BLOC1S2: variants seen among roughly 807,000 people sequenced by gnomAD.
The protein encoded by BLOC1S2 is biogenesis of lysosome-related organelles complex 1 subunit 2.
In BLOC1S2, 12 loss-of-function variants were observed where a neutral mutation model predicts 19.6. The observed-to-expected ratio is 0.61, with a 90% CI of 0.39 to 0.99. The LOEUF is 0.99. Among genes scored for constraint, BLOC1S2 ranks in the 50% least tolerant of loss-of-function variants. BLOC1S2 has a pLI of 0.00. For synonymous variants in BLOC1S2, 66 were observed against 64.1 expected, an observed-to-expected ratio of 1.03 and a Z score of -0.14; for missense variants, 142 against 171.0, an observed-to-expected ratio of 0.83 and a Z score of 0.95.
intron 4 of BLOC1S2, among the ~76,000 whole-genome samples, chr10:100,278,971 CA>C (rs2134357436): frequency 6.6e-6 from 1 of 152,056 alleles, no homozygotes; most frequent in South Asian, 2.1e-4. Context: ...CCTGTAGTCC[CA>C]GGTACTCAGG....
chr10:100,280,861 CCTCTT>C, intron 3 of BLOC1S2, 68 bp downstream of exon 3: 14 of 1,482,180 alleles, frequency 9.4e-6, no homozygotes, highest in African/African-American at 1.4e-5. Flanking sequence ...CATGTTCCCT[CCTCTT>C]CTCCATGGCC....
intron 4 of BLOC1S2, among the ~76,000 whole-genome samples, chr10:100,276,584 C>T (rs1847878204): frequency 6.6e-6 from 1 of 151,288 alleles, no homozygotes; most frequent in African/African-American, 2.4e-5. Flanking sequence ...GCCATCTCGG[C>T]TCGCTGCAGC....
chr10:100,275,498 G>A lies in BLOC1S2; in HGVS notation c.398-5C>T. The A allele has an allele frequency of 6.2e-7, 1 of 1,604,550 alleles. No homozygotes were observed. The highest frequency in any genetic ancestry group is 8.5e-7 in the Non-Finnish European group (1 of 1,173,880). The stretch of plus-strand genomic sequence containing the variant: ...CCAGCTTCTTGTACTTGGCTTCTGT[G>A]AGGGATGAGGGAGAGTTACATCTTT... On this transcript the variant is annotated splice_region_variant and splice_polypyrimidine_tract_variant and intron_variant, in intron 4 of 4. Transcript: ENST00000370372.
intron 4 of BLOC1S2, 97 bp downstream of exon 4, chr10:100,280,027 C>T (rs746635367): frequency 1.2e-5 from 10 of 844,978 alleles, no homozygotes; most frequent in Non-Finnish European, 1.5e-5. Context: ...TAATAGATCA[C>T]TGTAGGCACA....
chr10:100,285,935 G>A (rs1848222662), intron 2 of BLOC1S2, among the ~76,000 whole-genome samples, 162 bp downstream of exon 2: 1 of 152,178 alleles, frequency 6.6e-6, no homozygotes, highest in Non-Finnish European at 1.5e-5. Flanking sequence ...GAGGCCTGCA[G>A]AGTTGTATTT....
chr10:100,280,348 G>T, intron 3 of BLOC1S2, 120 bp from the exon 4 acceptor site: 1 of 843,672 alleles, frequency 1.2e-6, no homozygotes. Context: ...ATTAGGTGGC[G>T]TGACATGATT....
chr10:100,279,776 G>A (rs1848054959), intron 4 of BLOC1S2, among the ~76,000 whole-genome samples: 1 of 152,160 alleles, frequency 6.6e-6, no homozygotes, highest in Non-Finnish European at 1.5e-5. Context: ...TCGGGGGGCT[G>A]AGGCAGGAGA....
Position 100,286,649 on chromosome 10 carries a change from G to T in BLOC1S2, c.11C>A (p.Ala4Glu). 1 of 1,609,604 alleles carries T rather than the reference G, an allele frequency of 6.2e-7. No individual in the cohort carries two copies. The highest frequency in any genetic ancestry group is 8.5e-7 in the Non-Finnish European group (1 of 1,178,282). Residue 4 changes from alanine to glutamate, a missense_variant, in exon 1 of 5, where the codon GCA (alanine) becomes GAA (glutamate). Physicochemically the swap from Ala to Glu is moderately radical, Grantham distance 107. This residue lies in a region of BLOC1S2 where 48 missense variants were observed against 29.7 expected (regional missense o/e 1.61). Transcript: ENST00000370372. MAA[A>E]AEGVLATRSD... ...CCGGGTCGCCAGTACGCCCTCGGCT[G>T]CCGCCGCCATAGCGGACCCCGCGCT...
intron 4 of BLOC1S2, among the ~76,000 whole-genome samples, chr10:100,277,085 T>C (rs1847905132): frequency 1.4e-5 from 2 of 146,026 alleles, no homozygotes; most frequent in African/African-American, 5.2e-5. Flanking sequence ...CGCCATCCCA[T>C]CTAGGAAGTG....
chr10:100,276,628 A>G (rs1177373316), intron 4 of BLOC1S2, among the ~76,000 whole-genome samples: 8 of 149,976 alleles, frequency 5.3e-5, no homozygotes, highest in Admixed American at 1.3e-4. Flanking sequence ...CAGCCTGCCG[A>G]GTGCCTGCGA....
intron 1 of BLOC1S2, 124 bp from the exon 2 acceptor site, chr10:100,286,337 C>T: frequency 1.4e-6 from 2 of 1,478,002 alleles, no homozygotes; most frequent in East Asian, 4.9e-5. Context: ...CTCCATCTGC[C>T]ATAATTTCAA....
chr10:100,283,146 T>G (rs1848150858), intron 2 of BLOC1S2, among the ~76,000 whole-genome samples: 1 of 152,204 alleles, frequency 6.6e-6, no homozygotes, highest in African/African-American at 2.4e-5. Context: ...CACCCAGGCT[T>G]AAAACCTCAG....
At chr10:100,277,304 C>T (rs1284639132) in intron 4 of BLOC1S2, among the ~76,000 whole-genome samples, 2 of 151,736 alleles carry the variant, frequency 1.3e-5, no homozygotes, top group African/African-American at 2.4e-5. Context: ...CGTCTCCGCC[C>T]GGCAGCCACC....
intron 3 of BLOC1S2, 34 bp from the exon 4 acceptor site, chr10:100,280,262 G>A (rs755465183): frequency 2.0e-6 from 3 of 1,524,218 alleles, no homozygotes; most frequent in African/African-American, 1.4e-5. Flanking sequence ...ATGTTTATAT[G>A]GCTTTATTAA....
At chr10:100,281,163 GGAGTGGGCCACTT>G in intron 2 of BLOC1S2, 110 bp from the exon 3 acceptor site, 1 of 1,281,942 alleles carries the variant, frequency 7.8e-7, no homozygotes, top group Non-Finnish European at 1.1e-6. Context: ...AAGTGTCAAA[GGAGTGGGCCACTT>G]TTGATCTATG....
At chr10:100,281,900 C>G in intron 2 of BLOC1S2, among the ~76,000 whole-genome samples, 1 of 152,056 alleles carries the variant, frequency 6.6e-6, no homozygotes, top group East Asian at 1.9e-4. Context: ...GTCTCTACTC[C>G]AATTTTCCTA....
chr10:100,286,518 G>A, intron 1 of BLOC1S2, 87 bp downstream of exon 1: 3 of 1,567,610 alleles, frequency 1.9e-6, no homozygotes, highest in Non-Finnish European at 2.6e-6. Flanking sequence ...TTCCTGCCAG[G>A]TGAGCCACCA....
At chr10:100,286,072 C>T (rs1160179669) in intron 2 of BLOC1S2, 25 bp downstream of exon 2, 1 of 1,611,614 alleles carries the variant, frequency 6.2e-7, no homozygotes, top group South Asian at 1.1e-5. Flanking sequence ...AAACCGCACC[C>T]GAATCAACCC....
chr10:100,282,082 C>T (rs1203752481), intron 2 of BLOC1S2, among the ~76,000 whole-genome samples: 1 of 152,138 alleles, frequency 6.6e-6, no homozygotes, highest in Non-Finnish European at 1.5e-5. Flanking sequence ...GCCTTGAACC[C>T]AAACACTTCT....
Sources: gnomAD v4.1 joint callset for allele counts (sites outside exome capture counted in the v4.1 genomes callset) on GRCh38, gnomAD v4.1.1 for gene constraint, gnomAD v4.1.1 regional missense constraint, MANE v1.5 for transcripts, NCBI Gene and HGNC (gene_info 2026-07-23, HGNC 2026-07-21) for gene names.